ZNF717: variants seen among roughly 807,000 people sequenced by gnomAD.
ZNF717 encodes zinc finger protein 717, also known as krueppel-like factor X17.
In ZNF717, 9 loss-of-function variants were observed where a neutral mutation model predicts 13.8. That is an observed-to-expected ratio of 0.65 (90% CI 0.39 to 1.14). ZNF717 has a LOEUF of 1.14. ZNF717 is among the 50% of genes most tolerant of loss of function. The pLI is 0.01. For synonymous variants in ZNF717, 327 were observed against 364.1 expected, an observed-to-expected ratio of 0.90 and a Z score of 1.16; for missense variants, 1,040 against 1,080.7, an observed-to-expected ratio of 0.96 and a Z score of 0.53.
intron 2 of ZNF717, among the ~76,000 whole-genome samples, chr3:75,760,124 A>G (rs1429673275): frequency 6.6e-6 from 1 of 152,096 alleles, no homozygotes; most frequent in African/African-American, 2.4e-5. Flanking sequence ...CGCCTCCCAG[A>G]TTCAAGTGAT....
intron 2 of ZNF717, among the ~76,000 whole-genome samples, chr3:75,752,529 G>A (rs1246101536): frequency 3.4e-5 from 5 of 146,682 alleles, no homozygotes; most frequent in African/African-American, 1.3e-4. Flanking sequence ...CCAGAACACT[G>A]CTACGAGGGT....
intron 2 of ZNF717, among the ~76,000 whole-genome samples, chr3:75,771,282 A>C (rs1943850651): frequency 6.6e-6 from 1 of 151,910 alleles, no homozygotes; most frequent in Non-Finnish European, 1.5e-5. Flanking sequence ...TCTGGACCTC[A>C]CTCCTCACTT....
At chr3:75,759,236 AAAAAACTT>A (rs1196987743) in intron 2 of ZNF717, among the ~76,000 whole-genome samples, 1 of 152,098 alleles carries the variant, frequency 6.6e-6, no homozygotes, top group Non-Finnish European at 1.5e-5. Context: ...ACACTTAAAA[AAAAAACTT>A]AAGAGGGTAT....
At chr3:75,745,167 T>TC (rs1553667271) in intron 2 of ZNF717, among the ~76,000 whole-genome samples, 1 of 151,286 alleles carries the variant, frequency 6.6e-6, no homozygotes, top group Non-Finnish European at 1.5e-5. Context: ...TTTTTTTTTT[T>TC]CTTTCTGTCT....
At chr3:75,696,597 A>G (rs35155581) in intron 6 of ZNF717, among the ~76,000 whole-genome samples, 4 of 152,292 alleles carry the variant, frequency 2.6e-5, no homozygotes, top group African/African-American at 4.8e-5. Context: ...TACATCACAT[A>G]AACAGAATGA....
downstream of ZNF717, among the ~76,000 whole-genome samples, chr3:75,726,078 A>G (rs1166133342): frequency 1.3e-5 from 2 of 152,226 alleles, no homozygotes; most frequent in East Asian, 3.8e-4. Context: ...TCTTTCATCA[A>G]TTCGTGTCAT....
chr3:75,755,258 A>G (rs1942370604), intron 2 of ZNF717, among the ~76,000 whole-genome samples: 1 of 152,284 alleles, frequency 6.6e-6, no homozygotes, highest in East Asian at 1.9e-4. Flanking sequence ...ATTTTTTTAA[A>G]AAGAGCATTA....
intron 2 of ZNF717, among the ~76,000 whole-genome samples, chr3:75,745,389 T>C (rs1465843549): frequency 2.6e-4 from 39 of 152,040 alleles, no homozygotes; most frequent in Non-Finnish European, 5.3e-4. Context: ...TCTGGAACTC[T>C]ATGTGAGGGA....
At chr3:75,774,168 T>C (rs1304747934) in intron 2 of ZNF717, among the ~76,000 whole-genome samples, 1 of 151,764 alleles carries the variant, frequency 6.6e-6, no homozygotes, top group East Asian at 1.9e-4. Flanking sequence ...GAAAAATTTG[T>C]TTCCCTTGTA....
In ZNF717 at chr3:75,779,050, G is replaced by A. The variant is rs563304327; in HGVS notation, c.57+4256C>T. Among the ~76,000 whole-genome samples, 49 of 151,564 alleles carry A rather than the reference G, an allele frequency of 3.2e-4. 1 individual carries two copies. Among genetic ancestry groups the A allele is most frequent in the African/African-American group, 1.2e-3 (48 of 41,318 alleles). On this transcript the variant is annotated intron_variant, in intron 2 of 4. Transcript: ENST00000652011. ...GAACCCAAAACAATGGGAGTGATGC[G>A]CAAAAACCGGAACCCAAAACAATGG... is the stretch of plus-strand genomic sequence containing the variant.
chr3:75,784,492 T>C (rs1945030487), intron 1 of ZNF717, among the ~76,000 whole-genome samples: 1 of 152,212 alleles, frequency 6.6e-6, no homozygotes, highest in South Asian at 2.1e-4. Context: ...CTAGGTTTAA[T>C]ATATCTCAAA....
chr3:75,740,070 G>A (rs866003960), intron 4 of ZNF717, among the ~76,000 whole-genome samples: 7 of 151,442 alleles, frequency 4.6e-5, no homozygotes, highest in African/African-American at 7.2e-5. Context: ...GGCTGTGCCC[G>A]TCATCTTCGA....
chr3:75,700,908 G>C (rs368334440), intron 6 of ZNF717, among the ~76,000 whole-genome samples: 2,873 of 119,456 alleles, frequency 0.024, no homozygotes, highest in Middle Eastern at 0.044. Flanking sequence ...TGCCCCATAA[G>C]CACAGACAAC....
chr3:75,767,867 G>A (rs1483475097), intron 2 of ZNF717, among the ~76,000 whole-genome samples: 1 of 150,554 alleles, frequency 6.6e-6, no homozygotes, highest in African/African-American at 2.4e-5. Flanking sequence ...GTCTCAAAAG[G>A]CCAAAGTAAA....
chr3:75,754,357 A>AAG (rs1370713753), intron 2 of ZNF717, among the ~76,000 whole-genome samples: 12 of 149,836 alleles, frequency 8.0e-5, no homozygotes, highest in African/African-American at 3.0e-4. Context: ...AAGGCAAAAA[A>AAG]ATAAAAAAAA....
At chr3:75,744,026 A>C (rs1940828182) in intron 2 of ZNF717, among the ~76,000 whole-genome samples, 1 of 152,270 alleles carries the variant, frequency 6.6e-6, no homozygotes. Context: ...ATCAGACCAA[A>C]TGAAAATAAG....
exon 6 of ZNF717, chr3:75,710,568 T>C (rs1238527468): frequency 6.6e-6 from 1 of 152,218 alleles, no homozygotes; most frequent in Non-Finnish European, 1.5e-5. Context: ...TCTAATGACC[T>C]GGGAAAATCG....
intron 2 of ZNF717, among the ~76,000 whole-genome samples, chr3:75,751,642 G>A (rs113500979): frequency 6.9e-6 from 1 of 144,320 alleles, no homozygotes; most frequent in East Asian, 2.1e-4. Context: ...CTGCTGTGGT[G>A]TGAATGTTTG....
chr3:75,766,130 G>C (rs1943448041), intron 2 of ZNF717, among the ~76,000 whole-genome samples: 1 of 152,016 alleles, frequency 6.6e-6, no homozygotes, highest in Non-Finnish European at 1.5e-5. Context: ...CAAACAAATA[G>C]AAAATAAGTA....
Sources: gnomAD v4.1 joint callset for allele counts (sites outside exome capture counted in the v4.1 genomes callset) on GRCh38, gnomAD v4.1.1 for gene constraint, MANE v1.5 for transcripts, NCBI Gene and HGNC (gene_info 2026-07-23, HGNC 2026-07-21) for gene names.